Variants in PRKG1 observed in about 807,000 individuals in gnomAD.
PRKG1 encodes the protein protein kinase cGMP-dependent 1.
A neutral mutation model predicts 88.1 loss-of-function variants in PRKG1; 35 were observed. The ratio of observed to expected loss-of-function variants is 0.40; its 90% CI spans 0.30 to 0.53. PRKG1 has a LOEUF of 0.53. Ranked by LOEUF, PRKG1 falls within the 20% of genes least tolerant of loss-of-function variation. The pLI is 0.59. For synonymous variants in PRKG1, 303 were observed against 292.5 expected, an observed-to-expected ratio of 1.04 and a Z score of -0.37; for missense variants, 540 against 839.8, an observed-to-expected ratio of 0.64 and a Z score of 4.41.
chr10:51,619,921 T>C (rs1337281905), intron 3 of PRKG1, among the ~76,000 whole-genome samples: 1 of 152,130 alleles, frequency 6.6e-6, no homozygotes, highest in Admixed American at 6.5e-5. Flanking sequence ...TGTGTATGAG[T>C]CCTAACTGTA....
At chr10:51,699,879 C>A (rs1314311117) in intron 3 of PRKG1, among the ~76,000 whole-genome samples, 1 of 152,214 alleles carries the variant, frequency 6.6e-6, no homozygotes, top group Non-Finnish European at 1.5e-5. Context: ...AAGATGGCCG[C>A]ATAGACTTCA....
At chr10:51,122,885 T>C (rs1845298832) in intron 1 of PRKG1, among the ~76,000 whole-genome samples, 1 of 152,192 alleles carries the variant, frequency 6.6e-6, no homozygotes, top group African/African-American at 2.4e-5. Context: ...AATGCTCCCT[T>C]ACTAGGTTCA....
chr10:51,987,550 TAA>T (rs1268413383), intron 5 of PRKG1, among the ~76,000 whole-genome samples: 1 of 151,996 alleles, frequency 6.6e-6, no homozygotes, highest in Non-Finnish European at 1.5e-5. Flanking sequence ...CCAGAAATTC[TAA>T]GTCACTAATT....
intron 1 of PRKG1, among the ~76,000 whole-genome samples, chr10:50,993,985 A>G (rs145754365): frequency 6.6e-6 from 1 of 152,314 alleles, no homozygotes; most frequent in Non-Finnish European, 1.5e-5. Flanking sequence ...AGTAGCCGTC[A>G]GTGCATATTT....
chr10:51,688,116 T>C (rs559913015), intron 3 of PRKG1, among the ~76,000 whole-genome samples: 1 of 152,312 alleles, frequency 6.6e-6, no homozygotes, highest in African/African-American at 2.4e-5. Context: ...ATGGTGCTTT[T>C]ATTTGTTGTT....
chr10:51,321,991 A>G (rs1841469687), intron 2 of PRKG1, among the ~76,000 whole-genome samples: 1 of 152,212 alleles, frequency 6.6e-6, no homozygotes, highest in Non-Finnish European at 1.5e-5. Flanking sequence ...TTTCTCACAC[A>G]GTCTTTGTCA....
chr10:52,052,121 G>A (rs1337148025), intron 5 of PRKG1, among the ~76,000 whole-genome samples: 1 of 152,002 alleles, frequency 6.6e-6, no homozygotes, highest in African/African-American at 2.4e-5. Context: ...AGTCACACTG[G>A]TCATATTTCA....
chr10:51,558,561 A>G (rs1050786805), intron 3 of PRKG1, among the ~76,000 whole-genome samples: 4 of 152,086 alleles, frequency 2.6e-5, no homozygotes, highest in African/African-American at 4.8e-5. Flanking sequence ...ATCAATGGTA[A>G]AGTGAGTCTT....
rs1336441158 is a variant in PRKG1 at position 52,272,500 on chromosome 10, T to G, written c.1403+19T>G. On this transcript the variant is annotated intron_variant, in intron 12 of 17. Transcript: ENST00000373980. ...GGGATAGGTAGGAGATTTAAGAAATTTCTATGATATCTCTAAAAACAGTTG... is the reference window on the plus strand; with the variant it reads ...GGGATAGGTAGGAGATTTAAGAAATGTCTATGATATCTCTAAAAACAGTTG... The G allele has an allele frequency of 6.5e-7, 1 of 1,535,784 alleles. No individual in the cohort carries two copies. Among genetic ancestry groups the G allele is most frequent in the East Asian group, 2.3e-5 (1 of 44,378 alleles).
chr10:51,909,147 G>C (rs1167404649), intron 5 of PRKG1: 1 of 152,244 alleles, frequency 6.6e-6, no homozygotes, highest in Non-Finnish European at 1.5e-5. Flanking sequence ...TAAATAATTA[G>C]AAGGATGGAG....
At chr10:51,311,401 G>C (rs1182740597) in intron 2 of PRKG1, among the ~76,000 whole-genome samples, 1 of 152,190 alleles carries the variant, frequency 6.6e-6, no homozygotes, top group African/African-American at 2.4e-5. Flanking sequence ...TATGCCTGCT[G>C]GCACTTAGAT....
At chr10:51,409,448 T>C (rs1440388199) in intron 2 of PRKG1, among the ~76,000 whole-genome samples, 3 of 152,140 alleles carry the variant, frequency 2.0e-5, no homozygotes, top group African/African-American at 4.8e-5. Flanking sequence ...GCTTTATGGC[T>C]AGATGGGTCA....
At chr10:51,542,349 C>A (rs1479810192) in intron 3 of PRKG1, among the ~76,000 whole-genome samples, 1 of 152,074 alleles carries the variant, frequency 6.6e-6, no homozygotes, top group Non-Finnish European at 1.5e-5. Context: ...GTGCATCCAC[C>A]AATTTTATCC....
chr10:52,138,949 G>A (rs1039662819), intron 8 of PRKG1, among the ~76,000 whole-genome samples: 6 of 152,024 alleles, frequency 3.9e-5, no homozygotes, highest in African/African-American at 1.4e-4. Context: ...TGATCCCAAG[G>A]TCCATAAATA....
intron 5 of PRKG1, among the ~76,000 whole-genome samples, chr10:51,945,691 A>G (rs2133040445): frequency 6.7e-6 from 1 of 149,766 alleles, no homozygotes; most frequent in Non-Finnish European, 1.5e-5. Context: ...TCTGTAAAGG[A>G]TTTTATTTCT....
At chr10:51,506,937 A>G (rs1488463453) in intron 3 of PRKG1, among the ~76,000 whole-genome samples, 4 of 152,108 alleles carry the variant, frequency 2.6e-5, no homozygotes. Context: ...TTAAGAAAAT[A>G]TGACACATAT....
chr10:51,514,938 C>T (rs975696971), intron 3 of PRKG1, among the ~76,000 whole-genome samples: 2 of 152,136 alleles, frequency 1.3e-5, no homozygotes, highest in African/African-American at 2.4e-5. Context: ...CTGTGAGAGG[C>T]TGTCCTGTGC....
At chr10:51,834,313 A>C (rs991571831) in intron 4 of PRKG1, among the ~76,000 whole-genome samples, 1 of 152,074 alleles carries the variant, frequency 6.6e-6, no homozygotes, top group African/African-American at 2.4e-5. Context: ...GTTTTGCAAA[A>C]CAGAACTGTG....
intron 5 of PRKG1, among the ~76,000 whole-genome samples, chr10:52,027,605 G>T (rs532481829): frequency 6.6e-6 from 1 of 152,112 alleles, no homozygotes; most frequent in Non-Finnish European, 1.5e-5. Flanking sequence ...GTGAGCATGG[G>T]ATAAGGAGGT....
Sources: gnomAD v4.1 joint callset for allele counts (sites outside exome capture counted in the v4.1 genomes callset) on GRCh38, gnomAD v4.1.1 for gene constraint, MANE v1.5 for transcripts, NCBI Gene and HGNC (gene_info 2026-07-23, HGNC 2026-07-21) for gene names.